Variants in HRH1 observed in about 807,000 individuals in gnomAD.
HRH1 encodes histamine H1 receptor.
Under a neutral mutation model 10.3 loss-of-function variants are expected in HRH1, and 6 were observed. The observed-to-expected ratio is 0.58, with a 90% confidence interval of 0.32 to 1.15. The LOEUF (loss-of-function observed/expected upper bound fraction) is 1.15. Among genes scored for constraint, HRH1 ranks in the 50% most tolerant of loss-of-function variants. The pLI, the probability that HRH1 is intolerant of heterozygous loss-of-function variation, is 0.05. For synonymous variants in HRH1, 242 were observed against 236.7 expected (o/e 1.02, Z -0.21); for missense variants, 514 against 615.3 (o/e 0.84, Z 1.74).
chr3:11,222,428 A>G (rs1003590067), intron 1 of HRH1, among the ~76,000 whole-genome samples: 2 of 152,214 alleles, frequency 1.3e-5, no homozygotes, highest in African/African-American at 4.8e-5. Context: ...GTGGAATTTT[A>G]ACTCAAATAC....
intron 1 of HRH1, among the ~76,000 whole-genome samples, chr3:11,175,097 T>G (rs1364053530): frequency 6.6e-6 from 1 of 152,032 alleles, no homozygotes; most frequent in Non-Finnish European, 1.5e-5. Flanking sequence ...AAGGCTGGAG[T>G]TGGGATACTA....
chr3:11,226,931 G>A (rs1938901870), intron 1 of HRH1, among the ~76,000 whole-genome samples: 1 of 151,958 alleles, frequency 6.6e-6, no homozygotes, highest in Admixed American at 6.6e-5. Context: ...ACTTTATTTG[G>A]GTTGTTACCC....
intron 1 of HRH1, among the ~76,000 whole-genome samples, chr3:11,236,024 C>T (rs778551305): frequency 1.2e-3 from 189 of 152,298 alleles, no homozygotes; most frequent in Non-Finnish European, 2.4e-3. Flanking sequence ...CACTGCTTTG[C>T]CTTTGCCTCT....
chr3:11,144,541 C>A (rs1936388178), intron 1 of HRH1, among the ~76,000 whole-genome samples: 1 of 72,648 alleles, frequency 1.4e-5, no homozygotes, highest in Admixed American at 1.5e-4. Context: ...TCAGCCATGG[C>A]AAAGAATAAA....
intron 1 of HRH1, among the ~76,000 whole-genome samples, chr3:11,215,510 A>G (rs1372373677): frequency 2.6e-5 from 4 of 152,104 alleles, no homozygotes; most frequent in East Asian, 1.9e-4. Flanking sequence ...GCACGATCTC[A>G]GCTCACTGCA....
intron 1 of HRH1, among the ~76,000 whole-genome samples, chr3:11,201,611 G>A (rs1937911957): frequency 6.6e-6 from 1 of 152,090 alleles, no homozygotes; most frequent in South Asian, 2.1e-4. Context: ...TTAAACATGG[G>A]GTTCCAAGAA....
intron 1 of HRH1, among the ~76,000 whole-genome samples, chr3:11,170,158 A>T (rs1559258989): frequency 6.6e-6 from 1 of 152,168 alleles, no homozygotes; most frequent in East Asian, 1.9e-4. Context: ...CAGTGTTATG[A>T]TCCGTTCAAG....
chr3:11,252,493 G>T (rs142906934), intron 1 of HRH1, among the ~76,000 whole-genome samples: 3 of 152,270 alleles, frequency 2.0e-5, no homozygotes, highest in African/African-American at 7.2e-5. Flanking sequence ...TGGAGACTCC[G>T]TAAACCCCCG....
chr3:11,189,600 A>G (rs1220730119), intron 1 of HRH1, among the ~76,000 whole-genome samples: 1 of 152,090 alleles, frequency 6.6e-6, no homozygotes, highest in African/African-American at 2.4e-5. Flanking sequence ...GAATGATATT[A>G]TGACAATTTG....
intron 1 of HRH1, among the ~76,000 whole-genome samples, chr3:11,200,789 G>T (rs1171777632): frequency 1.3e-5 from 2 of 152,094 alleles, no homozygotes; most frequent in Admixed American, 1.3e-4. Flanking sequence ...AATGAGTAAG[G>T]CATTTCCCTG....
chr3:11,153,304 A>G (rs748121185), upstream of HRH1, among the ~76,000 whole-genome samples: 1 of 152,180 alleles, frequency 6.6e-6, no homozygotes, highest in Non-Finnish European at 1.5e-5. Flanking sequence ...TTAGAAAAGC[A>G]TCTGACACAA....
At chr3:11,141,687 A>G (rs542983339) in intron 1 of HRH1, among the ~76,000 whole-genome samples, 1 of 152,318 alleles carries the variant, frequency 6.6e-6, no homozygotes, top group Non-Finnish European at 1.5e-5. Flanking sequence ...AAGCCACACT[A>G]TCTTTCATGA....
At chr3:11,206,247 A>G (rs1384220350) in intron 1 of HRH1, among the ~76,000 whole-genome samples, 1 of 152,164 alleles carries the variant, frequency 6.6e-6, no homozygotes, top group Non-Finnish European at 1.5e-5. Context: ...CCCGAGGAGT[A>G]GCCGGGACTA....
chr3:11,206,624 C>G (rs1938137813), intron 1 of HRH1, among the ~76,000 whole-genome samples: 1 of 152,248 alleles, frequency 6.6e-6, no homozygotes, highest in African/African-American at 2.4e-5. Flanking sequence ...TTCATCCTTA[C>G]AGCAATTTAT....
chr3:11,139,148 C>T (rs1369309169), intron 1 of HRH1, among the ~76,000 whole-genome samples: 7 of 151,648 alleles, frequency 4.6e-5, no homozygotes, highest in Admixed American at 1.3e-4. Flanking sequence ...CCACCATGCC[C>T]GGCTAATTTT....
intron 1 of HRH1, among the ~76,000 whole-genome samples, chr3:11,162,529 A>G (rs1171506757): frequency 8.0e-6 from 1 of 125,506 alleles, no homozygotes; most frequent in Non-Finnish European, 1.7e-5. Context: ...TCCATTTGTG[A>G]TGTCACCCAG....
At chr3:11,174,594 G>T (rs1227682343) in intron 1 of HRH1, among the ~76,000 whole-genome samples, 1 of 152,192 alleles carries the variant, frequency 6.6e-6, no homozygotes, top group Admixed American at 6.5e-5. Flanking sequence ...AAGGAATGAT[G>T]ATTAGAAAAA....
intron 1 of HRH1, among the ~76,000 whole-genome samples, chr3:11,171,431 T>C (rs1469497730): frequency 6.6e-6 from 1 of 152,130 alleles, no homozygotes; most frequent in Non-Finnish European, 1.5e-5. Context: ...TGCAGGGTTT[T>C]GACTGCCCAT....
At chr3:11,256,963 A>G (rs1158190861) in intron 1 of HRH1, among the ~76,000 whole-genome samples, 1 of 151,960 alleles carries the variant, frequency 6.6e-6, no homozygotes. Context: ...ATGAAAATCT[A>G]AAAACTTGGC....
Sources: gnomAD v4.1 joint callset for allele counts (sites outside exome capture counted in the v4.1 genomes callset) on GRCh38, gnomAD v4.1.1 for gene constraint, MANE v1.5 for transcripts, NCBI Gene and HGNC (gene_info 2026-07-23, HGNC 2026-07-21) for gene names.